KLHL13: variants seen among roughly 807,000 people sequenced by gnomAD.
The protein encoded by KLHL13 is kelch like family member 13.
In KLHL13, 10 loss-of-function variants were observed where a neutral mutation model predicts 37.1. That is an observed-to-expected ratio of 0.27 (90% CI 0.17 to 0.46). The LOEUF (loss-of-function observed/expected upper bound fraction) is 0.46. Among genes scored for constraint, KLHL13 ranks in the 20% least tolerant of loss-of-function variants. The pLI, the probability that KLHL13 is intolerant of heterozygous loss-of-function variation, is 1.00. For missense variants in KLHL13, 360 were observed against 509.3 expected (o/e 0.71, Z 2.82); for synonymous variants, 163 against 181.2 (o/e 0.90, Z 0.81).
intron 1 of KLHL13, among the ~76,000 whole-genome samples, chrX:117,964,269 T>C (rs2053370303): frequency 8.9e-6 from 1 of 112,058 alleles, no homozygotes; most frequent in Non-Finnish European, 1.9e-5. Context: ...CCAGTTCAAG[T>C]CTCCTCATTT....
chrX:118,025,220 A>G, intron 1 of KLHL13, among the ~76,000 whole-genome samples: 1 of 111,719 alleles, frequency 9.0e-6, no homozygotes, highest in South Asian at 3.8e-4. Context: ...AGCCCAGATG[A>G]TAGTACAGTA....
exon 1 of KLHL13, chrX:117,972,841 G>T: frequency 8.3e-7 from 1 of 1,207,812 alleles, no homozygotes; most frequent in Non-Finnish European, 1.1e-6. Context: ...TGTCACCACG[G>T]TACTACAATA....
intron 1 of KLHL13, among the ~76,000 whole-genome samples, chrX:118,081,100 T>C (rs1416089539): frequency 4.5e-5 from 5 of 111,240 alleles, no homozygotes; most frequent in African/African-American, 1.6e-4. Flanking sequence ...ATAGACACTG[T>C]GGACTACTAG....
chrX:118,022,694 G>GTTTC (rs1377981523), intron 1 of KLHL13, among the ~76,000 whole-genome samples: 5 of 112,001 alleles, frequency 4.5e-5, no homozygotes, highest in African/African-American at 1.6e-4. Flanking sequence ...TATTTGGTGT[G>GTTTC]TTTCTTTTCT....
intron 2 of KLHL13, among the ~76,000 whole-genome samples, chrX:117,936,932 C>A (rs1932781380): frequency 8.9e-6 from 1 of 112,024 alleles, no homozygotes; most frequent in Non-Finnish European, 1.9e-5. Context: ...AAATGACATT[C>A]CCAAAGTCAC....
chrX:118,069,722 A>C (rs1012999418), intron 1 of KLHL13, among the ~76,000 whole-genome samples: 2 of 112,044 alleles, frequency 1.8e-5, no homozygotes, highest in African/African-American at 6.5e-5. Context: ...AAAAAATTAA[A>C]AAGTGTACAA....
At chrX:117,901,706 T>C (rs1269451376) in intron 6 of KLHL13, 127 bp downstream of exon 7, 9 of 339,521 alleles carry the variant, frequency 2.7e-5, no homozygotes, top group Admixed American at 4.8e-5. Context: ...GATTTCACCA[T>C]GTTGGCCCGC....
chrX:118,005,052 G>A (rs757320583), intron 1 of KLHL13, among the ~76,000 whole-genome samples: 1 of 112,004 alleles, frequency 8.9e-6, no homozygotes, highest in South Asian at 3.7e-4. Context: ...TAATTGCAAT[G>A]CATAATTCTG....
chrX:117,959,300 G>A (rs1191785776), intron 1 of KLHL13, among the ~76,000 whole-genome samples: 1 of 111,869 alleles, frequency 8.9e-6, no homozygotes, highest in Non-Finnish European at 1.9e-5. Context: ...CTTCAATTTG[G>A]TGATGCTAAG....
chrX:118,044,056 C>A (rs1163190591), intron 1 of KLHL13, among the ~76,000 whole-genome samples: 1 of 111,868 alleles, frequency 8.9e-6, no homozygotes, highest in African/African-American at 3.2e-5. Context: ...GATACAAAAT[C>A]AACATAAAAA....
intron 1 of KLHL13, among the ~76,000 whole-genome samples, chrX:118,033,907 A>C (rs1270708139): frequency 9.9e-6 from 1 of 100,714 alleles, no homozygotes; most frequent in Non-Finnish European, 2.0e-5. Flanking sequence ...TCTACCAAGC[A>C]AATGGAAAAC....
At chrX:118,070,859 G>A (rs1294366772) in intron 1 of KLHL13, among the ~76,000 whole-genome samples, 2 of 109,477 alleles carry the variant, frequency 1.8e-5, no homozygotes, top group African/African-American at 3.3e-5. Flanking sequence ...GCACCCACTA[G>A]CTCGTCATCT....
intron 1 of KLHL13, chrX:117,972,667 A>G (rs6646017): frequency 0.09 from 91,595 of 1,015,285 alleles, 5,397 homozygotes; most frequent in African/African-American, 0.41. Context: ...CCCCGCCCCC[A>G]TTTTGCCACA....
At chrX:117,902,926 G>A (rs144151268) in intron 5 of KLHL13, among the ~76,000 whole-genome samples, 1,443 of 110,599 alleles carry the variant, frequency 0.013, 12 homozygotes, top group Non-Finnish European at 0.019. Flanking sequence ...AGCTAAAAAC[G>A]AAATTTAATT....
intron 1 of KLHL13, among the ~76,000 whole-genome samples, chrX:118,108,027 C>A (rs755730861): frequency 1.1e-4 from 12 of 111,862 alleles, no homozygotes; most frequent in Non-Finnish European, 1.9e-4. Flanking sequence ...TGCACTCCAG[C>A]CTGAGTGACA....
chrX:118,025,915 T>C (rs948261786), intron 1 of KLHL13, among the ~76,000 whole-genome samples: 4 of 111,598 alleles, frequency 3.6e-5, no homozygotes, highest in Non-Finnish European at 7.5e-5. Flanking sequence ...ATGGAAAATG[T>C]TTATATTTGT....
intron 1 of KLHL13, among the ~76,000 whole-genome samples, chrX:117,964,661 T>C (rs1385584105): frequency 1.8e-5 from 2 of 111,732 alleles, no homozygotes; most frequent in Non-Finnish European, 1.9e-5. Flanking sequence ...TATGTATACA[T>C]GTGCCATGTT....
intron 2 of KLHL13, among the ~76,000 whole-genome samples, chrX:117,923,706 T>C (rs1391556378): frequency 2.7e-5 from 3 of 111,570 alleles, no homozygotes; most frequent in African/African-American, 9.8e-5. Context: ...TCGTCAGCTG[T>C]GTAATTTCTT....
At chrX:117,958,005 C>T in intron 1 of KLHL13, among the ~76,000 whole-genome samples, 1 of 111,572 alleles carries the variant, frequency 9.0e-6, no homozygotes, top group Non-Finnish European at 1.9e-5. Flanking sequence ...TAGTAGATTG[C>T]TTCTAGTAAA....
Sources: gnomAD v4.1 joint callset for allele counts (sites outside exome capture counted in the v4.1 genomes callset) on GRCh38, gnomAD v4.1.1 for gene constraint, MANE v1.5 for transcripts, NCBI Gene and HGNC (gene_info 2026-07-23, HGNC 2026-07-21) for gene names.